PHKB: variants seen among roughly 807,000 people sequenced by gnomAD.
PHKB encodes the protein phosphorylase kinase regulatory subunit beta, also known as phosphorylase b kinase regulatory subunit beta.
PHKB carries 122 observed loss-of-function variants against 152.1 expected under a neutral mutation model. The observed-to-expected ratio is 0.80, with a 90% confidence interval of 0.69 to 0.93. The LOEUF is 0.93. Among genes scored for constraint, PHKB ranks in the 40% least tolerant of loss-of-function variants. PHKB has a pLI of 0.00. For missense variants in PHKB, 1,304 were observed against 1,328.4 expected, an observed-to-expected ratio of 0.98 and a Z score of 0.29; for synonymous variants, 436 against 464.9, an observed-to-expected ratio of 0.94 and a Z score of 0.80.
At chr16:47,541,222 CA>C (rs1373774832) in intron 6 of PHKB, among the ~76,000 whole-genome samples, 7 of 152,134 alleles carry the variant, frequency 4.6e-5, no homozygotes, top group African/African-American at 1.7e-4. Context: ...GTTCAATTCG[CA>C]CCTATGAGTG....
At chr16:47,634,147 TTTA>T (rs1972875659) in intron 14 of PHKB, among the ~76,000 whole-genome samples, 1 of 152,238 alleles carries the variant, frequency 6.6e-6, no homozygotes, top group Admixed American at 6.5e-5. Flanking sequence ...AATAGTTATT[TTTA>T]TTATTCTCAA....
intron 8 of PHKB, among the ~76,000 whole-genome samples, chr16:47,581,200 T>A (rs916751565): frequency 6.6e-6 from 1 of 152,226 alleles, no homozygotes; most frequent in Non-Finnish European, 1.5e-5. Flanking sequence ...TATAATACTA[T>A]CTACTCAAGT....
intron 26 of PHKB, among the ~76,000 whole-genome samples, chr16:47,678,487 T>C (rs1204254706): frequency 3.9e-5 from 6 of 152,214 alleles, no homozygotes; most frequent in East Asian, 1.9e-4. Context: ...TGGTATCTCA[T>C]TGTGGTTTTG....
intron 26 of PHKB, among the ~76,000 whole-genome samples, chr16:47,682,628 A>G (rs1026581171): frequency 3.3e-5 from 5 of 151,890 alleles, no homozygotes. Context: ...TCCTTTAAGG[A>G]CTTCTCTGCG....
intron 16 of PHKB, among the ~76,000 whole-genome samples, chr16:47,643,843 A>T (rs1247327183): frequency 1.3e-5 from 2 of 152,182 alleles, no homozygotes; most frequent in East Asian, 3.9e-4. Flanking sequence ...AATATTCATG[A>T]TGTGATGACT....
chr16:47,528,293 C>T (rs1970801100), intron 6 of PHKB, among the ~76,000 whole-genome samples: 1 of 152,054 alleles, frequency 6.6e-6, no homozygotes, highest in Admixed American at 6.5e-5. Context: ...ATTTCACCTC[C>T]CTAGGAATGC....
chr16:47,475,381 G>T (rs763087554), intron 1 of PHKB, among the ~76,000 whole-genome samples: 4 of 152,090 alleles, frequency 2.6e-5, no homozygotes, highest in Non-Finnish European at 4.4e-5. Flanking sequence ...CACAGATCTC[G>T]ATGTCCTAAT....
At chr16:47,646,762 C>A (rs899571155) in intron 16 of PHKB, among the ~76,000 whole-genome samples, 1 of 151,912 alleles carries the variant, frequency 6.6e-6, no homozygotes, top group Non-Finnish European at 1.5e-5. Flanking sequence ...TAGAGGGTGA[C>A]CAACCTCACA....
chr16:47,465,157 C>T (rs566153264), intron 1 of PHKB, among the ~76,000 whole-genome samples: 1 of 152,128 alleles, frequency 6.6e-6, no homozygotes, highest in Non-Finnish European at 1.5e-5. Flanking sequence ...TGCTAAATGA[C>T]AAAATATTAC....
At chr16:47,643,431 C>T (rs762160639) in intron 16 of PHKB, among the ~76,000 whole-genome samples, 1 of 152,204 alleles carries the variant, frequency 6.6e-6, no homozygotes, top group East Asian at 1.9e-4. Flanking sequence ...CAAGTAAAGA[C>T]TTACAACAGT....
chr16:47,551,619 GTATTTTACTTCCAAT>G (rs1247726368), intron 7 of PHKB, among the ~76,000 whole-genome samples: 2 of 152,162 alleles, frequency 1.3e-5, no homozygotes, highest in African/African-American at 4.8e-5. Context: ...TTGCTGAGGA[GTATTTTACTTCCAAT>G]TATGTGGTCA....
rs1408273685 is a variant in PHKB, at chr16:47,515,521, A to T, written c.514A>T (p.Ile172Leu). 7.3e-7 allele frequency: 1 copy of T among 1,364,228 alleles called. No individual in the cohort carries two copies. The highest frequency in any genetic ancestry group is 1.2e-5 in the South Asian group (1 of 86,096). 84.5% of individuals were successfully genotyped at this position (1,364,228 alleles called of 1,614,324 possible). A position where few individuals can be genotyped will look rare whatever the true frequency, so the allele number is the denominator to read the frequency against. The change falls in exon 6 of 31, where the codon ATA (isoleucine) becomes TTA (leucine). Residue 172 changes from isoleucine to leucine, a missense_variant and splice_region_variant. Coordinates refer to ENST00000323584, the MANE Select transcript of PHKB (RefSeq NM_000293.3). ...LSYEEYGHLQ[I>L]NAVSLYLLYL... ...CTTTTAATGTTTCTGTTTGTTGCAG[A>T]TAAATGCAGTGTCACTTTATCTCCT...
intron 1 of PHKB, among the ~76,000 whole-genome samples, chr16:47,480,592 G>A (rs1328454999): frequency 6.6e-6 from 1 of 152,088 alleles, no homozygotes; most frequent in South Asian, 2.1e-4. Context: ...CAAGTTCAAG[G>A]CTGATTTCCA....
rs539152661 is a variant in PHKB, at chr16:47,577,134, T to G, written c.711-3161T>G. Among the ~76,000 whole-genome samples, 83 of 152,250 alleles carry G rather than the reference T, an allele frequency of 5.5e-4. 1 individual carries two copies. The highest frequency in any genetic ancestry group is 1.0e-3 in the Non-Finnish European group (70 of 67,988). ...CTACCTTCCTGTGGGTACTTAAAGA[T>G]TTTTTTAAAATCTCTTTTTGATTTA... On this transcript the variant is annotated intron_variant, in intron 7 of 30. Coordinates refer to ENST00000323584, the MANE Select transcript of PHKB (RefSeq NM_000293.3).
chr16:47,543,613 G>C (rs1567299443), intron 6 of PHKB, among the ~76,000 whole-genome samples: 2 of 152,184 alleles, frequency 1.3e-5, no homozygotes, highest in African/African-American at 4.8e-5. Flanking sequence ...CAATTCGGCT[G>C]TGAATCCATC....
intron 26 of PHKB, among the ~76,000 whole-genome samples, chr16:47,684,142 G>T (rs941739159): frequency 1.4e-4 from 21 of 151,192 alleles, no homozygotes; most frequent in African/African-American, 4.4e-4. Flanking sequence ...GAGACCAGTT[G>T]GGCAACATGG....
chr16:47,489,106 C>T (rs183083887), intron 1 of PHKB, among the ~76,000 whole-genome samples: 3 of 152,040 alleles, frequency 2.0e-5, no homozygotes, highest in East Asian at 1.9e-4. Flanking sequence ...CAGGCTGGAG[C>T]GCAGTGGTGC....
chr16:47,526,072 A>G (rs1231187403), intron 6 of PHKB, among the ~76,000 whole-genome samples: 7 of 152,086 alleles, frequency 4.6e-5, no homozygotes, highest in Non-Finnish European at 8.8e-5. Flanking sequence ...ACTCAAGAAG[A>G]ACTAACCAGC....
intron 26 of PHKB, 117 bp downstream of exon 26, chr16:47,669,534 A>G: frequency 1.1e-6 from 1 of 876,032 alleles, no homozygotes; most frequent in South Asian, 1.4e-5. Flanking sequence ...AGCAAAGAGC[A>G]CCTGTCCTCT....
Sources: gnomAD v4.1 joint callset for allele counts (sites outside exome capture counted in the v4.1 genomes callset) on GRCh38, gnomAD v4.1.1 for gene constraint, MANE v1.5 for transcripts, NCBI Gene and HGNC (gene_info 2026-07-23, HGNC 2026-07-21) for gene names.